Variants in ZMAT4 observed in about 807,000 individuals in gnomAD.
The protein encoded by ZMAT4 is zinc finger matrin-type 4.
A neutral mutation model predicts 28.7 loss-of-function variants in ZMAT4; 17 were observed. That is an observed-to-expected ratio of 0.59 (90% confidence interval 0.41 to 0.89). The LOEUF (loss-of-function observed/expected upper bound fraction) is 0.89, where lower values mean the gene tolerates loss of function less well. ZMAT4 is among the 40% of genes least tolerant of loss of function. ZMAT4 has a pLI of 0.00. For missense variants in ZMAT4, 240 were observed against 283.8 expected (o/e 0.85, Z 1.11); for synonymous variants, 117 against 109.2 (o/e 1.07, Z -0.44).
intron 3 of ZMAT4, among the ~76,000 whole-genome samples, chr8:40,712,057 G>A (rs907898041): frequency 6.6e-6 from 1 of 152,130 alleles, no homozygotes; most frequent in Non-Finnish European, 1.5e-5. Flanking sequence ...AAATATTGAC[G>A]AAGATAGAAA....
chr8:40,820,602 G>C (rs1815736316), intron 2 of ZMAT4, among the ~76,000 whole-genome samples: 1 of 50,936 alleles, frequency 2.0e-5, no homozygotes, highest in Non-Finnish European at 4.8e-5. Flanking sequence ...GTATGTGGGA[G>C]TGCATGTGTG....
intron 5 of ZMAT4, among the ~76,000 whole-genome samples, chr8:40,589,792 C>G (rs1244844022): frequency 2.1e-5 from 2 of 95,714 alleles, no homozygotes; most frequent in Non-Finnish European, 4.6e-5. Flanking sequence ...TCTTTCTTTT[C>G]TTTTTCTTTG....
chr8:40,778,401 C>T (rs2150569915), intron 2 of ZMAT4, among the ~76,000 whole-genome samples: 1 of 152,280 alleles, frequency 6.6e-6, no homozygotes, highest in African/African-American at 2.4e-5. Context: ...CCCATCTCTA[C>T]ACTAATGTTG....
intron 1 of ZMAT4, among the ~76,000 whole-genome samples, chr8:40,875,287 A>C (rs937741779): frequency 7.2e-5 from 11 of 151,996 alleles, no homozygotes; most frequent in African/African-American, 2.7e-4. Flanking sequence ...CTCAAATCAA[A>C]TGTACCACTG....
At chr8:40,867,199 A>T (rs1228592411) in intron 1 of ZMAT4, among the ~76,000 whole-genome samples, 1 of 152,170 alleles carries the variant, frequency 6.6e-6, no homozygotes, top group East Asian at 1.9e-4. Flanking sequence ...ACATTGGAAG[A>T]ATTGTCTTGG....
chr8:40,610,022 A>G (rs1304011812), intron 5 of ZMAT4, among the ~76,000 whole-genome samples: 1 of 152,256 alleles, frequency 6.6e-6, no homozygotes, highest in Admixed American at 6.5e-5. Context: ...AGAAGATTAA[A>G]TAAATGTCCT....
chr8:40,824,752 A>G (rs71519583), intron 2 of ZMAT4, among the ~76,000 whole-genome samples: 1,803 of 149,374 alleles, frequency 0.012, 18 homozygotes, highest in Non-Finnish European at 0.019. Flanking sequence ...AGAAAAGAAA[A>G]AAAGAAAGAA....
intron 5 of ZMAT4, among the ~76,000 whole-genome samples, chr8:40,583,863 C>T (rs537364379): frequency 3.3e-5 from 5 of 152,282 alleles, no homozygotes; most frequent in Admixed American, 1.3e-4. Flanking sequence ...CCACTAAATA[C>T]AGAATTTAGT....
chr8:40,601,624 AAG>A (rs1805358837), intron 5 of ZMAT4, among the ~76,000 whole-genome samples: 1 of 26,750 alleles, frequency 3.7e-5, no homozygotes, highest in African/African-American at 1.0e-4. Context: ...GAAAGAAAGA[AAG>A]AAAGAAAGAG....
At chr8:40,631,281 C>G (rs1025858573) in intron 5 of ZMAT4, among the ~76,000 whole-genome samples, 1 of 152,102 alleles carries the variant, frequency 6.6e-6, no homozygotes, top group East Asian at 1.9e-4. Context: ...CCTCAGCCTC[C>G]CGAGTAGTTG....
intron 2 of ZMAT4, among the ~76,000 whole-genome samples, chr8:40,815,984 T>G (rs555848724): frequency 6.6e-6 from 1 of 152,242 alleles, no homozygotes; most frequent in East Asian, 1.9e-4. Context: ...TCTCCTTCTC[T>G]TTCTTTTTCA....
At chr8:40,749,504 A>T (rs75804235) in intron 3 of ZMAT4, among the ~76,000 whole-genome samples, 2 of 152,092 alleles carry the variant, frequency 1.3e-5, no homozygotes, top group African/African-American at 4.8e-5. Context: ...GCATCACATT[A>T]TCTGACCCCT....
chr8:40,567,827 T>G (rs1429424125), intron 6 of ZMAT4, among the ~76,000 whole-genome samples: 3 of 152,228 alleles, frequency 2.0e-5, no homozygotes, highest in Non-Finnish European at 4.4e-5. Flanking sequence ...AGACATCATT[T>G]GTTTTTTGAA....
At chr8:40,745,875 T>C (rs1339164245) in intron 3 of ZMAT4, among the ~76,000 whole-genome samples, 3 of 152,188 alleles carry the variant, frequency 2.0e-5, no homozygotes, top group African/African-American at 7.2e-5. Flanking sequence ...TTATTGAACA[T>C]ACAGTAATAA....
At chr8:40,598,031 G>A (rs1186869044) in intron 5 of ZMAT4, among the ~76,000 whole-genome samples, 1 of 148,914 alleles carries the variant, frequency 6.7e-6, no homozygotes, top group Non-Finnish European at 1.5e-5. Flanking sequence ...AAGGGGCAAA[G>A]ACTATGTGCA....
At chr8:40,690,268 T>C (rs1162935416) in intron 4 of ZMAT4, among the ~76,000 whole-genome samples, 3 of 152,222 alleles carry the variant, frequency 2.0e-5, no homozygotes, top group South Asian at 2.1e-4. Flanking sequence ...CAGCCACTTG[T>C]ATCACCTTGG....
intron 5 of ZMAT4, among the ~76,000 whole-genome samples, chr8:40,594,496 A>G (rs1234518849): frequency 6.6e-6 from 1 of 152,162 alleles, no homozygotes; most frequent in Non-Finnish European, 1.5e-5. Flanking sequence ...TTCATTCTAT[A>G]TGTGTTTGTA....
At chr8:40,886,195 C>A in intron 1 of ZMAT4, among the ~76,000 whole-genome samples, 1 of 152,214 alleles carries the variant, frequency 6.6e-6, no homozygotes, top group East Asian at 1.9e-4. Flanking sequence ...GCCCCAGAGC[C>A]AGGGTGTCCC....
At chr8:40,709,973 G>A (rs1247488633) in intron 3 of ZMAT4, among the ~76,000 whole-genome samples, 3 of 151,778 alleles carry the variant, frequency 2.0e-5, no homozygotes, top group African/African-American at 7.3e-5. Context: ...CGGAGGTGGA[G>A]GTGGCAGTGA....
Sources: gnomAD v4.1 joint callset for allele counts (sites outside exome capture counted in the v4.1 genomes callset) on GRCh38, gnomAD v4.1.1 for gene constraint, MANE v1.5 for transcripts, NCBI Gene and HGNC (gene_info 2026-07-23, HGNC 2026-07-21) for gene names.